Variants in COL4A6 observed in about 807,000 individuals in gnomAD.
COL4A6 encodes collagen alpha-6(IV) chain.
In COL4A6, 59 loss-of-function variants were observed where a neutral mutation model predicts 126.7. That is an observed-to-expected ratio of 0.47 (90% CI 0.38 to 0.58). The LOEUF (loss-of-function observed/expected upper bound fraction) is 0.58. Ranked by LOEUF, COL4A6 falls within the 20% of genes least tolerant of loss-of-function variation. The probability of loss-of-function intolerance (pLI) is 0.00; values close to 1 mark genes in which losing one functional copy is unlikely to be tolerated. For synonymous variants in COL4A6, 547 were observed against 496.6 expected (o/e 1.10, Z -1.35); for missense variants, 1,285 against 1,337.3 (o/e 0.96, Z 0.61).
chrX:108,209,407 G>T (rs1032205948), intron 8 of COL4A6, among the ~76,000 whole-genome samples: 2 of 111,581 alleles, frequency 1.8e-5, no homozygotes, highest in African/African-American at 6.5e-5. Context: ...AAAAGATAGA[G>T]CGAAGAAAGA....
At chrX:108,309,750 A>T (rs943147923) in intron 3 of COL4A6, among the ~76,000 whole-genome samples, 1 of 106,551 alleles carries the variant, frequency 9.4e-6, no homozygotes, top group African/African-American at 3.4e-5. Context: ...TGTATTCACA[A>T]TGCTAGAAAT....
chrX:108,163,797 A>G (rs1374593521), intron 40 of COL4A6, among the ~76,000 whole-genome samples: 2 of 112,409 alleles, frequency 1.8e-5, no homozygotes, highest in Non-Finnish European at 3.8e-5. Context: ...TTAAACTGAG[A>G]CCACTAAAAC....
chrX:108,294,731 C>A (rs1055204058), intron 3 of COL4A6, among the ~76,000 whole-genome samples: 3 of 111,056 alleles, frequency 2.7e-5, no homozygotes, highest in African/African-American at 9.8e-5. Flanking sequence ...GTAAATGTTA[C>A]CTCATCTGCA....
intron 3 of COL4A6, among the ~76,000 whole-genome samples, chrX:108,277,190 G>A (rs1326298928): frequency 1.8e-5 from 2 of 111,842 alleles, no homozygotes; most frequent in Non-Finnish European, 3.8e-5. Context: ...GCGAGGCATT[G>A]CCTCACTCGG....
chrX:108,315,198 G>A (rs2038852963), intron 2 of COL4A6, among the ~76,000 whole-genome samples: 1 of 112,037 alleles, frequency 8.9e-6, no homozygotes, highest in African/African-American at 3.2e-5. Flanking sequence ...TTTTCCCCCA[G>A]ATCACCACTA....
intron 2 of COL4A6, among the ~76,000 whole-genome samples, chrX:108,423,794 A>G (rs1013072972): frequency 5.3e-4 from 59 of 111,659 alleles, no homozygotes; most frequent in African/African-American, 1.9e-3. Context: ...ATACTTACCA[A>G]GAGTCTACAA....
At chrX:108,256,247 C>A (rs1210337734) in intron 3 of COL4A6, among the ~76,000 whole-genome samples, 3 of 112,038 alleles carry the variant, frequency 2.7e-5, no homozygotes, top group Non-Finnish European at 5.7e-5. Flanking sequence ...TAAAGAAAAG[C>A]ATTTATTAAA....
chrX:108,427,439 G>A (rs2064106692), intron 2 of COL4A6, among the ~76,000 whole-genome samples: 1 of 112,121 alleles, frequency 8.9e-6, no homozygotes, highest in Admixed American at 9.5e-5. Context: ...CTTCCTAAGA[G>A]AAGAACAATA....
chrX:108,200,470 C>T (rs2035357963), intron 13 of COL4A6, among the ~76,000 whole-genome samples: 1 of 111,901 alleles, frequency 8.9e-6, no homozygotes, highest in Non-Finnish European at 1.9e-5. Context: ...AAAGAAACTT[C>T]GCATACATTA....
At chrX:108,373,456 C>T (rs759965317) in intron 2 of COL4A6, among the ~76,000 whole-genome samples, 2 of 111,258 alleles carry the variant, frequency 1.8e-5, no homozygotes, top group East Asian at 5.7e-4. Context: ...GAGGGCGTGA[C>T]CTAAAGTTTG....
At chrX:108,240,417 A>T (rs1433033542) in intron 3 of COL4A6, among the ~76,000 whole-genome samples, 1 of 112,520 alleles carries the variant, frequency 8.9e-6, no homozygotes, top group Non-Finnish European at 1.9e-5. Context: ...TATCTATAAA[A>T]TGTCCAATAT....
intron 15 of COL4A6, 164 bp from the exon 16 acceptor site, chrX:108,194,751 A>G (rs2035157412): frequency 2.0e-6 from 1 of 503,749 alleles, no homozygotes; most frequent in Non-Finnish European, 3.3e-6. Context: ...CCAGAAGACA[A>G]TACGGCAGTA....
At chrX:108,307,323 G>A (rs185577286) in intron 3 of COL4A6, among the ~76,000 whole-genome samples, 50 of 111,876 alleles carry the variant, frequency 4.5e-4, no homozygotes, top group East Asian at 8.4e-4. Context: ...GTGACCTTGC[G>A]CAAGTCACTT....
chrX:108,402,747 T>C (rs1222173659), intron 2 of COL4A6, among the ~76,000 whole-genome samples: 3 of 111,157 alleles, frequency 2.7e-5, no homozygotes, highest in Non-Finnish European at 5.7e-5. Context: ...TCTAAATGCA[T>C]AGGGATTTTG....
chrX:108,213,994 A>T (rs1193516888), intron 6 of COL4A6, 118 bp downstream of exon 6: 1 of 572,717 alleles, frequency 1.7e-6, no homozygotes, highest in East Asian at 3.3e-5. Flanking sequence ...CCTACATTGG[A>T]CAAGGGTGTG....
chrX:108,282,421 G>A (rs772010407), intron 3 of COL4A6, among the ~76,000 whole-genome samples: 44 of 111,246 alleles, frequency 4.0e-4, no homozygotes, highest in African/African-American at 1.4e-3. Context: ...GGCCATCAGA[G>A]AAATGCAAAT....
intron 2 of COL4A6, among the ~76,000 whole-genome samples, chrX:108,406,116 T>A (rs2041201686): frequency 9.0e-6 from 1 of 111,185 alleles, no homozygotes; most frequent in African/African-American, 3.3e-5. Context: ...TACAGGCACA[T>A]GCCACAATGC....
In COL4A6 at chrX:108,380,917, G is replaced by A. The variant is rs182543433; in HGVS notation, c.63+57025C>T. On this transcript the variant is annotated intron_variant, in intron 2 of 44. Coordinates refer to ENST00000334504, the MANE Select transcript of COL4A6 (RefSeq NM_033641.4). ...GTTGAAAGGATTCAAAGAGATATAT[G>A]CATGTAAAGCATTTGTTACAATGCC... Among the ~76,000 whole-genome samples, 974 of 111,506 alleles carry A rather than the reference G, an allele frequency of 8.7e-3. 4 individuals carry two copies. Among genetic ancestry groups the A allele is most frequent in the Non-Finnish European group, 0.011 (601 of 53,069 alleles).
intron 2 of COL4A6, among the ~76,000 whole-genome samples, chrX:108,417,037 C>A (rs1427060900): frequency 8.9e-6 from 1 of 112,187 alleles, no homozygotes; most frequent in Non-Finnish European, 1.9e-5. Flanking sequence ...TCATTGTGTT[C>A]CTGACAGGAT....
Sources: gnomAD v4.1 joint callset for allele counts (sites outside exome capture counted in the v4.1 genomes callset) on GRCh38, gnomAD v4.1.1 for gene constraint, MANE v1.5 for transcripts, NCBI Gene and HGNC (gene_info 2026-07-23, HGNC 2026-07-21) for gene names.